The following AHNAK2 variants were observed in gnomAD, a reference collection of about 807,000 sequenced individuals.
AHNAK2 encodes the protein protein AHNAK2.
In AHNAK2, 18 loss-of-function variants were observed where a neutral mutation model predicts 30.7. The ratio of observed to expected loss-of-function variants is 0.59; its 90% confidence interval spans 0.41 to 0.87. The LOEUF is 0.87. Among genes scored for constraint, AHNAK2 ranks in the 40% least tolerant of loss-of-function variants. AHNAK2 has a pLI of 0.00. For missense variants in AHNAK2, 8,604 were observed against 7,373.0 expected, an observed-to-expected ratio of 1.17 and a Z score of -6.11; for synonymous variants, 3,590 against 3,073.8, an observed-to-expected ratio of 1.17 and a Z score of -5.56.
intron 3 of AHNAK2, 111 bp downstream of exon 3, chr14:104,957,299 A>C: frequency 9.8e-7 from 1 of 1,022,026 alleles, no homozygotes; most frequent in Non-Finnish European, 1.4e-6. Context: ...GGCACTGCCC[A>C]GTGGGCAGCG....
rs1394005121 is a variant in AHNAK2 at position 104,944,116 on chromosome 14, T to G, written c.11335A>C (p.Lys3779Gln). The change falls in exon 7 of 7, where the codon AAA becomes CAA. Residue 3779 changes from lysine to glutamine, a missense_variant. Physicochemically the swap from Lys to Gln is moderately conservative, Grantham distance 53. Transcript: ENST00000333244. Reference sequence around the variant, plus strand: ...CCCTCCAGCTGTGCACTATCCAGTTTGGCTCTTGGGGCCTGGACGTCCACC... The same window carrying G: ...CCCTCCAGCTGTGCACTATCCAGTTGGGCTCTTGGGGCCTGGACGTCCACC... ...VEVDVQAPRA[K>Q]LDSAQLEGDL... 1.2e-6 allele frequency: 2 copies of G among 1,613,230 alleles called. No homozygotes were observed. The highest frequency in any genetic ancestry group is 2.2e-5 in the South Asian group (2 of 91,036).
chr14:104,973,033 G>GCTCACCTGC (rs1899511386), intron 1 of AHNAK2, among the ~76,000 whole-genome samples: 2 of 152,244 alleles, frequency 1.3e-5, no homozygotes, highest in African/African-American at 4.8e-5. Context: ...GCAGGCGGGT[G>GCTCACCTGC]CTGGGCAGGG....
rs775373086 is a variant in AHNAK2, at chr14:104,943,594, C to T, written c.11857G>A (p.Asp3953Asn). 4 of 1,613,058 alleles carry T rather than the reference C, an allele frequency of 2.5e-6. No homozygotes were observed. Among genetic ancestry groups the T allele is most frequent in the African/African-American group, 2.7e-5 (2 of 74,692 alleles). The change falls in exon 7 of 7, where the codon GAC (aspartate) becomes AAC (asparagine). Residue 3953 changes from aspartate (D) to asparagine (N), a missense_variant. Physicochemically the swap from Asp to Asn is conservative, Grantham distance 23. Transcript: ENST00000333244. The stretch of plus-strand genomic sequence containing the variant: ...ATGTCCTTGTCGGCCAGGGACAGGT[C>T]CCCCTCCAGCCGCGCACCATCCAGC... ...AKLDGARLEG[D>N]LSLADKDMTA...
rs1899297426 is a variant in AHNAK2 at position 104,966,210 on chromosome 14, C to T, written c.56-8538G>A. The stretch of plus-strand genomic sequence containing the variant: ...GTGCCAGGAGGCATCAACACTCACC[C>T]CCACGTCATCCCGGCCCCGCCACCT... On this transcript the variant is annotated intron_variant, in intron 1 of 6. Transcript: ENST00000333244. This position sits in a 1 kb window ranked among gnomAD's most constrained non-coding sequence, Gnocchi z 4.3. 6.6e-6 allele frequency among the ~76,000 whole-genome samples: 1 copy of T among 152,106 alleles called. No individual in the cohort carries two copies. The highest frequency in any genetic ancestry group is 1.5e-5 in the Non-Finnish European group (1 of 67,994).
Position 104,943,927 on chromosome 14 carries a change from T to C in AHNAK2, c.11524A>G (p.Met3842Val). 1.2e-6 allele frequency: 2 copies of C among 1,612,840 alleles called. No individual in the cohort carries two copies. Among genetic ancestry groups the C allele is most frequent in the Non-Finnish European group, 1.7e-6 (2 of 1,179,464 alleles). The change falls in exon 7 of 7, where the codon ATG becomes GTG. Residue 3842 changes from methionine to valine, a missense_variant. Met to Val is a conservative substitution (Grantham distance 21). Coordinates refer to ENST00000333244, the MANE Select transcript of AHNAK2 (RefSeq NM_138420.4). ...KVEADVSLPS[M>V]QGDLKTTDLS... ...TCAGTGGTCTTGAGGTCCCCCTGCA[T>C]GGAGGGGAGACTCACATCGGCCTCC...
rs574126026 is a variant in AHNAK2 at position 104,942,896 on chromosome 14, G to C, written c.12555C>G (p.Ser4185=). The C allele has an allele frequency of 1.2e-6, 2 of 1,613,078 alleles. No individual in the cohort carries two copies. Among genetic ancestry groups the C allele is most frequent in the Non-Finnish European group, 1.7e-6 (2 of 1,179,588 alleles). The change falls in exon 7 of 7, where the codon TCC becomes TCG. Residue 4185 remains serine, a synonymous_variant. Coordinates refer to ENST00000333244, the MANE Select transcript of AHNAK2 (RefSeq NM_138420.4). The stretch of plus-strand genomic sequence containing the variant: ...CCTGGACCTCCAGGTCGGCGGAAGG[G>C]GACTGAATGCTGAGGTCAGTGGTCT... ...DLKTTDLSIQ[S]PSADLEVQAG...
intron 1 of AHNAK2, among the ~76,000 whole-genome samples, chr14:104,959,804 G>A (rs1899085311): frequency 6.6e-6 from 1 of 152,178 alleles, no homozygotes; most frequent in African/African-American, 2.4e-5. Flanking sequence ...AGGAAGAAAT[G>A]GAGAATGCAG....
chr14:104,937,993 A>C lies in AHNAK2; in HGVS notation c.*70T>G. On this transcript the variant is annotated 3_prime_UTR_variant, in exon 7 of 7. Coordinates refer to ENST00000333244, the MANE Select transcript of AHNAK2 (RefSeq NM_138420.4). ...AATGTGCTGTGGGATGGGGTGCTCC[A>C]TATGTGTGTGTAGCCTTTACTTTCC... The C allele has an allele frequency of 6.6e-7, 1 of 1,513,992 alleles. No individual in the cohort carries two copies. The highest frequency in any genetic ancestry group is 9.0e-7 in the Non-Finnish European group (1 of 1,115,180). The allele number at this position is 1,513,992 out of a possible 1,614,324, so 93.8% of individuals were successfully genotyped here.
At position 104,946,433 on chromosome 14, in the gene AHNAK2, C is replaced by T. The variant is rs372139093; in HGVS notation, c.9018G>A (p.Pro3006=). ...GGAGGCTCACTTCGGCCTCCACCTT[C>T]GGCGCAGACACATCCACCGAGACCT... is the stretch of plus-strand genomic sequence containing the variant. ...SIEVSVDVSA[P]KVEAEVSLPS... Residue 3006 remains proline, a synonymous_variant, in exon 7 of 7, where the codon CCG becomes CCA. Coordinates refer to ENST00000333244, the MANE Select transcript of AHNAK2 (RefSeq NM_138420.4). 2.8e-5 allele frequency: 45 copies of T among 1,611,492 alleles called. 1 individual carries two copies. Among genetic ancestry groups the T allele is most frequent in the African/African-American group, 2.0e-4 (15 of 74,104 alleles).
rs1387679825 is a variant in AHNAK2, at chr14:104,951,651, T to C, written c.3800A>G (p.Glu1267Gly). Reference protein sequence around the residue: ...PKVDLKGPQVEVRGPKLDLKG... With the variant: ...PKVDLKGPQVGVRGPKLDLKG... ...CAGGTCCAGCTTGGGGCCCCTGACT[T>C]CCACCTGGGGGCCCTTGAGGTCCAC... The change falls in exon 7 of 7, where the codon GAA becomes GGA. Residue 1267 changes from glutamate (E) to glycine (G), a missense_variant. Coordinates refer to ENST00000333244, the MANE Select transcript of AHNAK2 (RefSeq NM_138420.4). 52 of 1,246,312 alleles carry C rather than the reference T, an allele frequency of 4.2e-5. 18 individuals carry two copies. The highest frequency in any genetic ancestry group is 5.7e-5 in the Non-Finnish European group (50 of 880,758). 77.2% of individuals were successfully genotyped at this position (1,246,312 alleles called of 1,614,324 possible).
Position 104,941,731 on chromosome 14 carries a change from C to T in AHNAK2, c.13720G>A (p.Asp4574Asn), listed in dbSNP as rs1202195297. 6 of 1,613,710 alleles carry T rather than the reference C, an allele frequency of 3.7e-6. No individual in the cohort carries two copies. In the Admixed American group the frequency reaches 5.0e-5, roughly 13 times the overall value. The change falls in exon 7 of 7, where the codon GAC becomes AAC. Residue 4574 changes from aspartate (D) to asparagine (N), a missense_variant. Coordinates refer to ENST00000333244, the MANE Select transcript of AHNAK2 (RefSeq NM_138420.4). Reference sequence around the variant, plus strand: ...ACCTCTGCCTTTGGGCCTTTCAGGTCCAGCTTGGGGCCCTTGACGTCCACC... The same window carrying T: ...ACCTCTGCCTTTGGGCCTTTCAGGTTCAGCTTGGGGCCCTTGACGTCCACC... ...PQVDVKGPKLDLKGPKAEVMA... is the reference protein window; with the variant it reads ...PQVDVKGPKLNLKGPKAEVMA...
Position 104,945,480 on chromosome 14 carries a change from C to G in AHNAK2, c.9971G>C (p.Gly3324Ala), listed in dbSNP as rs1412836308. Residue 3324 changes from glycine (G) to alanine (A), a missense_variant, in exon 7 of 7, where the codon GGC becomes GCC. Coordinates refer to ENST00000333244, the MANE Select transcript of AHNAK2 (RefSeq NM_138420.4). ...ATCCACCGAGGCCTGGATGGACTTGCCTGGGGCAGACGCCCTGTACGACGG... is the reference window on the plus strand; with the variant it reads ...ATCCACCGAGGCCTGGATGGACTTGGCTGGGGCAGACGCCCTGTACGACGG... ...KMPSYRASAPGKSIQASVDVS... is the reference protein window; with the variant it reads ...KMPSYRASAPAKSIQASVDVS... The G allele has an allele frequency of 6.2e-7, 1 of 1,613,440 alleles. No homozygotes were observed. The highest frequency in any genetic ancestry group is 1.7e-5 in the Admixed American group (1 of 59,980).
rs770780059 is a variant in AHNAK2, at chr14:104,944,604, T to G, written c.10847A>C (p.Asp3616Ala). 2.5e-6 allele frequency: 4 copies of G among 1,613,020 alleles called. No individual in the cohort carries two copies. In the East Asian group the frequency reaches 6.7e-5, roughly 27 times the overall value. The change falls in exon 7 of 7, where the codon GAT becomes GCT. Residue 3616 changes from aspartate (D) to alanine (A), a missense_variant. Physicochemically the swap from Asp to Ala is moderately radical, Grantham distance 126. Coordinates refer to ENST00000333244, the MANE Select transcript of AHNAK2 (RefSeq NM_138420.4). ...VDVQAPKAKL[D>A]AGRLEGDLSL... ...CAGGTCTCCCTCCAGCCGCCCAGCA[T>G]CCAGCTTGGCCTTCGGGGCCTGGAC...
In AHNAK2 at chr14:104,977,568, C is replaced by T. The variant is rs569617152; in HGVS notation, c.55+615G>A. Among the ~76,000 whole-genome samples the T allele has an allele frequency of 2.0e-5, 3 of 152,336 alleles. No homozygotes were observed. In the South Asian group the frequency reaches 6.2e-4, roughly 32 times the overall value. On this transcript the variant is annotated intron_variant, in intron 1 of 6. Transcript: ENST00000333244. ...GCCCCAGACCTCAGGCCTAGCCCTG[C>T]CACAGCCTCCACCTAGCCAGCGACC...
chr14:104,955,750 G>A, intron 4 of AHNAK2, 117 bp from the exon 5 acceptor site: 1 of 1,381,284 alleles, frequency 7.2e-7, no homozygotes, highest in Non-Finnish European at 9.7e-7. Flanking sequence ...CATCAGCCCA[G>A]ACAACACAGA....
At chr14:104,956,847 A>G (rs1898990443) in intron 3 of AHNAK2, among the ~76,000 whole-genome samples, 158 bp from the exon 4 acceptor site, 1 of 152,150 alleles carries the variant, frequency 6.6e-6, no homozygotes, top group Non-Finnish European at 1.5e-5. Context: ...CTCCAGGCAC[A>G]TCCACAGAGA....
Position 104,953,914 on chromosome 14 carries a change from G to A in AHNAK2, c.1537C>T (p.Arg513Ter), listed in dbSNP as rs758322378. Residue 513 changes from arginine to a stop codon, truncating the protein, a stop_gained, in exon 7 of 7, where the codon CGA becomes TGA. Transcript: ENST00000333244. LOFTEE classifies it low-confidence loss of function (END_TRUNC). ...GAGGACGCATCCTGTCTCTTCCCTC[G>A]CTGTGGGGTACTAAGGCGCCTTTCT... ...ERERRLSTPQRGKRQDASSKA... is the reference protein window; with the variant it reads ...ERERRLSTPQ The A allele has an allele frequency of 1.4e-5, 22 of 1,613,800 alleles. No homozygotes were observed. Among genetic ancestry groups the A allele is most frequent in the Non-Finnish European group, 1.9e-5 (22 of 1,179,890 alleles).
At position 104,940,036 on chromosome 14, in the gene AHNAK2, C is replaced by T. The variant is rs368740292; in HGVS notation, c.15415G>A (p.Gly5139Arg). 31 of 1,611,076 alleles carry T rather than the reference C, an allele frequency of 1.9e-5. No homozygotes were observed. Among genetic ancestry groups the T allele is most frequent in the Middle Eastern group, 1.6e-4 (1 of 6,082 alleles). ...CAAGGCTGGCTCACTGGGACATCCC[C>T]GAGCCCACATCCTCTGCTGTCACCT... ...TEGDSRGCGL[G>R]DVPVSQPCGE... The change falls in exon 7 of 7, where the codon GGG becomes AGG. Residue 5139 changes from glycine (G) to arginine (R), a missense_variant. Physicochemically the swap from Gly to Arg is moderately radical, Grantham distance 125. Transcript: ENST00000333244. The surrounding 1 kb of genome is among the most constrained non-coding windows in gnomAD (Gnocchi z 4.4).
intron 1 of AHNAK2, among the ~76,000 whole-genome samples, chr14:104,963,519 T>C (rs1899207609): frequency 6.6e-6 from 1 of 152,122 alleles, no homozygotes; most frequent in Admixed American, 6.5e-5. Flanking sequence ...AAATGACAGA[T>C]ATTGGTCTAT....
Sources: gnomAD v4.1 joint callset for allele counts (sites outside exome capture counted in the v4.1 genomes callset) on GRCh38, gnomAD v4.1.1 for gene constraint, Gnocchi (gnomAD v3.1) non-coding constraint, MANE v1.5 for transcripts, NCBI Gene and HGNC (gene_info 2026-07-23, HGNC 2026-07-21) for gene names.